TBC1D22B: variants seen among roughly 807,000 people sequenced by gnomAD.
TBC1D22B encodes TBC1 domain family member 22B, also known as chromosome 6 open reading frame 197.
A neutral mutation model predicts 69.1 loss-of-function variants in TBC1D22B; 32 were observed. That is an observed-to-expected ratio of 0.46 (90% CI 0.35 to 0.62). The LOEUF (loss-of-function observed/expected upper bound fraction) is 0.62, where lower values mean the gene tolerates loss of function less well. Ranked by LOEUF, TBC1D22B falls within the 20% of genes least tolerant of loss-of-function variation. The pLI is 0.00. For missense variants in TBC1D22B, 462 were observed against 630.9 expected (o/e 0.73, Z 2.87); for synonymous variants, 206 against 229.8 (o/e 0.90, Z 0.94).
At chr6:37,286,867 C>T in intron 6 of TBC1D22B, 140 bp from the exon 7 acceptor site, 2 of 667,110 alleles carry the variant, frequency 3.0e-6, no homozygotes, top group Admixed American at 6.3e-5. Flanking sequence ...TCGCTTGAAC[C>T]CTGGAGGCAG....
intron 8 of TBC1D22B, among the ~76,000 whole-genome samples, chr6:37,302,406 A>G (rs991748194): frequency 1.3e-5 from 2 of 152,222 alleles, no homozygotes; most frequent in Non-Finnish European, 2.9e-5. Context: ...AGGCTTAGGC[A>G]ATATTAGTCT....
At position 37,282,191 on chromosome 6, in the gene TBC1D22B, C is replaced by T. The variant is rs780090906; in HGVS notation, c.428C>T (p.Thr143Ile). ...CTTTTTCAAATGATCTCAGGTGATA[C>T]ATGCCTGAGGAACCCACTCCACAAA... ...DAQLSRNSSDTCLRNPLHKQQ... is the reference protein window; with the variant it reads ...DAQLSRNSSDICLRNPLHKQQ... The change falls in exon 4 of 13, where the codon ACA becomes ATA. Residue 143 changes from threonine to isoleucine, a missense_variant. Thr to Ile is a moderately conservative substitution (Grantham distance 89). Coordinates refer to ENST00000373491, the MANE Select transcript of TBC1D22B (RefSeq NM_017772.4). The T allele has an allele frequency of 1.7e-5, 28 of 1,613,954 alleles. No homozygotes were observed. The South Asian group carries it at 2.7e-4, about 16-fold the overall frequency.
intron 6 of TBC1D22B, among the ~76,000 whole-genome samples, chr6:37,284,878 G>A (rs1265864236): frequency 6.6e-6 from 1 of 152,150 alleles, no homozygotes; most frequent in African/African-American, 2.4e-5. Context: ...GCATGGAGAG[G>A]AAAGACAAGC....
chr6:37,316,641 T>C, intron 10 of TBC1D22B, 62 bp from the exon 11 acceptor site: 1 of 1,602,442 alleles, frequency 6.2e-7, no homozygotes, highest in Non-Finnish European at 8.5e-7. Context: ...CTATTTTGGC[T>C]CCTGTGGCCC....
At chr6:37,320,957 C>A (rs1333811594) in intron 12 of TBC1D22B, among the ~76,000 whole-genome samples, 1 of 152,162 alleles carries the variant, frequency 6.6e-6, no homozygotes, top group African/African-American at 2.4e-5. Context: ...TCAGCCTGGG[C>A]TAGTGTAATA....
chr6:37,326,047 A>C (rs945989813), intron 12 of TBC1D22B, among the ~76,000 whole-genome samples: 1 of 152,056 alleles, frequency 6.6e-6, no homozygotes, highest in African/African-American at 2.4e-5. Context: ...TTCTGTTAAG[A>C]CTGGAAGAAT....
rs1250953679 is a variant in TBC1D22B, at chr6:37,257,962, G to A, written c.45G>A (p.Lys15=). Reference sequence around the variant, plus strand: ...AGCAGTTTTGGAAGAGGAGCGCTAAGCTGCCGGGGAGGTGAGCCCAGGACG... The same window carrying A: ...AGCAGTTTTGGAAGAGGAGCGCTAAACTGCCGGGGAGGTGAGCCCAGGACG... ...NSKQFWKRSA[K]LPGSIQPVYG... Residue 15 remains lysine, a synonymous_variant, in exon 1 of 13, where the codon AAG becomes AAA. Coordinates refer to ENST00000373491, the MANE Select transcript of TBC1D22B (RefSeq NM_017772.4). 1.4e-5 allele frequency: 22 copies of A among 1,614,164 alleles called. No individual in the cohort carries two copies. Among genetic ancestry groups the A allele is most frequent in the East Asian group, 1.1e-4 (5 of 44,882 alleles).
At chr6:37,271,312 C>G (rs1187364785) in intron 2 of TBC1D22B, among the ~76,000 whole-genome samples, 1 of 151,910 alleles carries the variant, frequency 6.6e-6, no homozygotes, top group Non-Finnish European at 1.5e-5. Context: ...GACTCTGTCT[C>G]AAAAAACAAA....
intron 6 of TBC1D22B, 45 bp from the exon 7 acceptor site, chr6:37,286,958 CAAAA>C: frequency 2.6e-6 from 4 of 1,529,886 alleles, no homozygotes; most frequent in Non-Finnish European, 3.6e-6. Flanking sequence ...AAAACAAAAA[CAAAA>C]AAAAACTGGC....
intron 10 of TBC1D22B, among the ~76,000 whole-genome samples, chr6:37,314,778 A>T (rs1414435521): frequency 3.9e-5 from 3 of 77,476 alleles, no homozygotes; most frequent in African/African-American, 1.5e-4. Context: ...CCTGCTGCCC[A>T]CCCCCACCCC....
chr6:37,273,205 A>AC (rs1562042918), intron 2 of TBC1D22B, among the ~76,000 whole-genome samples: 1 of 126,322 alleles, frequency 7.9e-6, no homozygotes, highest in Admixed American at 8.3e-5. Context: ...AAAAAAAAAA[A>AC]CGAGAATAGC....
intron 5 of TBC1D22B, among the ~76,000 whole-genome samples, chr6:37,283,293 A>G (rs2113741163): frequency 6.6e-6 from 1 of 152,338 alleles, no homozygotes; most frequent in East Asian, 1.9e-4. Context: ...CGGAATAACC[A>G]AAAGTTGAAA....
chr6:37,265,364 C>T (rs981878066), intron 1 of TBC1D22B, among the ~76,000 whole-genome samples: 1 of 152,162 alleles, frequency 6.6e-6, no homozygotes, highest in East Asian at 1.9e-4. Context: ...AGGTAATACT[C>T]TCTTATTTTT....
At chr6:37,277,109 T>C (rs1766693571) in intron 2 of TBC1D22B, among the ~76,000 whole-genome samples, 1 of 152,170 alleles carries the variant, frequency 6.6e-6, no homozygotes, top group Non-Finnish European at 1.5e-5. Context: ...TGTGTCACCC[T>C]GTGTTAGGCC....
In TBC1D22B at chr6:37,283,777, C is replaced by T. The variant is rs148252772; in HGVS notation, c.673-559C>T. Among the ~76,000 whole-genome samples, 357 of 152,308 alleles carry T rather than the reference C, an allele frequency of 2.3e-3. 1 individual carries two copies. The highest frequency in any genetic ancestry group is 7.9e-3 in the African/African-American group (330 of 41,552). On this transcript the variant is annotated intron_variant, in intron 5 of 12. Transcript: ENST00000373491. ...AATGAAAGTTGGCCTGGAGCTTTGGCTAGGCCGGGGGCTGCTGCCAGAAGT... is the reference window on the plus strand; with the variant it reads ...AATGAAAGTTGGCCTGGAGCTTTGGTTAGGCCGGGGGCTGCTGCCAGAAGT...
At chr6:37,286,944 C>CAAAAAA in intron 6 of TBC1D22B, 63 bp from the exon 7 acceptor site, 1 of 1,502,542 alleles carries the variant, frequency 6.7e-7, no homozygotes. Flanking sequence ...GACTTCATCT[C>CAAAAAA]AAAAAAACAA....
At chr6:37,327,800 G>A (rs1468350366) in intron 12 of TBC1D22B, among the ~76,000 whole-genome samples, 3 of 152,148 alleles carry the variant, frequency 2.0e-5, no homozygotes, top group Non-Finnish European at 4.4e-5. Context: ...AGCAACCATG[G>A]AGGGGAGAGT....
rs1042615159 is a variant in TBC1D22B, at chr6:37,331,144, C to T, written c.1490C>T (p.Ala497Val). 6.2e-7 allele frequency: 1 copy of T among 1,613,998 alleles called. No individual in the cohort carries two copies. Among genetic ancestry groups the T allele is most frequent in the African/African-American group, 1.3e-5 (1 of 74,914 alleles). The change falls in exon 13 of 13, where the codon GCC (alanine) becomes GTC (valine). Residue 497 changes from alanine (A) to valine (V), a missense_variant. This residue lies in a region of TBC1D22B where 225 missense variants were observed against 375.4 expected (regional missense o/e 0.60). Transcript: ENST00000373491. ...GCATACAGACTCAAGTACATGTTTG[C>T]CGATGCCCCAAATCACTACCGCCGA... The part of the protein sequence containing the change: ...AEAYRLKYMF[A>V]DAPNHYRR
chr6:37,303,236 C>T (rs1294255134), intron 8 of TBC1D22B, among the ~76,000 whole-genome samples: 1 of 152,106 alleles, frequency 6.6e-6, no homozygotes, highest in Non-Finnish European at 1.5e-5. Context: ...TATTTTTAGG[C>T]AATCTTTGCT....
Sources: gnomAD v4.1 joint callset for allele counts (sites outside exome capture counted in the v4.1 genomes callset) on GRCh38, gnomAD v4.1.1 for gene constraint, gnomAD v4.1.1 regional missense constraint, MANE v1.5 for transcripts, NCBI Gene and HGNC (gene_info 2026-07-23, HGNC 2026-07-21) for gene names.